ATP8B4: variants seen among roughly 807,000 people sequenced by gnomAD.
The protein encoded by ATP8B4 is ATPase phospholipid transporting 8B4 (putative), also known as probable phospholipid-transporting ATPase IM.
ATP8B4 carries 133 observed loss-of-function variants against 145.6 expected under a neutral mutation model. The observed-to-expected ratio is 0.91, with a 90% CI of 0.79 to 1.05. The LOEUF (loss-of-function observed/expected upper bound fraction) is 1.05. Among genes scored for constraint, ATP8B4 ranks in the 50% least tolerant of loss-of-function variants. ATP8B4 has a pLI of 0.00. For missense variants in ATP8B4, 1,458 were observed against 1,425.2 expected (o/e 1.02, Z -0.37); for synonymous variants, 507 against 492.9 (o/e 1.03, Z -0.38).
intron 20 of ATP8B4, among the ~76,000 whole-genome samples, chr15:49,911,694 G>C (rs1037227172): frequency 6.6e-6 from 1 of 152,094 alleles, no homozygotes; most frequent in Non-Finnish European, 1.5e-5. Flanking sequence ...GGACTGAACA[G>C]ACATCCACAG....
intron 1 of ATP8B4, among the ~76,000 whole-genome samples, chr15:50,135,194 G>A (rs563463172): frequency 1.7e-4 from 26 of 152,244 alleles, no homozygotes; most frequent in African/African-American, 6.0e-4. Flanking sequence ...TGAGATATGA[G>A]TGTGACACAT....
chr15:49,963,571 T>C (rs1356155439), intron 13 of ATP8B4, among the ~76,000 whole-genome samples: 1 of 152,188 alleles, frequency 6.6e-6, no homozygotes, highest in East Asian at 1.9e-4. Flanking sequence ...TGGAATACTA[T>C]GCAGCCGTGA....
chr15:49,866,753 A>G (rs530312248), intron 25 of ATP8B4, among the ~76,000 whole-genome samples: 25 of 152,334 alleles, frequency 1.6e-4, no homozygotes, highest in African/African-American at 5.8e-4. Flanking sequence ...GATGTTAAAC[A>G]TGTTAAACTT....
intron 7 of ATP8B4, among the ~76,000 whole-genome samples, chr15:50,004,777 GCATA>G (rs10571012): frequency 0.48 from 72,564 of 151,630 alleles, 18,225 homozygotes; most frequent in East Asian, 0.63. Flanking sequence ...TTGAATCTGG[GCATA>G]CAGTATGAGG....
intron 20 of ATP8B4, among the ~76,000 whole-genome samples, chr15:49,914,676 A>C (rs2039557667): frequency 6.6e-6 from 1 of 152,204 alleles, no homozygotes; most frequent in South Asian, 2.1e-4. Flanking sequence ...GACATTTCTC[A>C]AAATAAGACA....
chr15:49,875,519 G>C (rs932916355), intron 25 of ATP8B4, among the ~76,000 whole-genome samples: 3 of 152,182 alleles, frequency 2.0e-5, no homozygotes, highest in African/African-American at 7.2e-5. Flanking sequence ...TACCTACTCG[G>C]AGCTACAGAT....
intron 2 of ATP8B4, among the ~76,000 whole-genome samples, chr15:50,105,525 T>C (rs2056632542): frequency 6.6e-6 from 1 of 152,104 alleles, no homozygotes; most frequent in Non-Finnish European, 1.5e-5. Context: ...TGATTATAAT[T>C]CTAAGTTTAA....
rs773748475 is a variant in ATP8B4 at position 49,858,812 on chromosome 15, C to T, written c.*1382G>A. 1 of 152,158 alleles carries T rather than the reference C, an allele frequency of 6.6e-6. No individual in the cohort carries two copies. Among genetic ancestry groups the T allele is most frequent in the Non-Finnish European group, 1.5e-5 (1 of 68,014 alleles). 9.4% of individuals were successfully genotyped at this position (152,158 alleles called of 1,614,324 possible). A position where few individuals can be genotyped will look rare whatever the true frequency, so the allele number is the denominator to read the frequency against. On this transcript the variant is annotated 3_prime_UTR_variant, in exon 28 of 28. Coordinates refer to ENST00000284509, the MANE Select transcript of ATP8B4 (RefSeq NM_024837.4). ...CTGACTATTTAGATTCCAGTTTTTT[C>T]ATATTCTCTTCCAATTGCTCTGTTA...
At chr15:50,003,343 G>A (rs1225584085) in intron 7 of ATP8B4, among the ~76,000 whole-genome samples, 1 of 149,782 alleles carries the variant, frequency 6.7e-6, no homozygotes, top group East Asian at 2.0e-4. Context: ...AAACAGAGCT[G>A]GGGAAAAATA....
chr15:49,880,778 T>C (rs2035254777), intron 23 of ATP8B4: 1 of 151,068 alleles, frequency 6.6e-6, no homozygotes, highest in African/African-American at 2.4e-5. Context: ...GGGGACTATA[T>C]CCAATGACAT....
chr15:49,951,275 G>T (rs191264357), intron 14 of ATP8B4, among the ~76,000 whole-genome samples: 160 of 152,216 alleles, frequency 1.1e-3, no homozygotes, highest in Non-Finnish European at 1.5e-3. Context: ...TCTCATTGAT[G>T]TGTCTAATAC....
intron 1 of ATP8B4, among the ~76,000 whole-genome samples, chr15:50,134,214 C>T (rs1013792848): frequency 2.6e-5 from 4 of 151,732 alleles, no homozygotes; most frequent in African/African-American, 9.7e-5. Context: ...AATAGACTGT[C>T]AAAAGTAAAA....
chr15:50,010,696 A>C, intron 7 of ATP8B4, 149 bp downstream of exon 7: 1 of 480,020 alleles, frequency 2.1e-6, no homozygotes. Context: ...GTCTTTTAAA[A>C]TATTTTATAA....
At chr15:49,869,568 A>C (rs1201364404) in intron 25 of ATP8B4, among the ~76,000 whole-genome samples, 1 of 152,220 alleles carries the variant, frequency 6.6e-6, no homozygotes, top group East Asian at 1.9e-4. Context: ...ATTATGTGGC[A>C]AAGATATAGC....
chr15:50,082,509 T>C (rs2054619078), intron 2 of ATP8B4, among the ~76,000 whole-genome samples: 1 of 152,212 alleles, frequency 6.6e-6, no homozygotes, highest in African/African-American at 2.4e-5. Flanking sequence ...GCTCATCAGA[T>C]CCAGATAGTT....
chr15:50,148,509 G>A (rs945753938), intron 1 of ATP8B4, among the ~76,000 whole-genome samples: 3 of 152,186 alleles, frequency 2.0e-5, no homozygotes, highest in Non-Finnish European at 4.4e-5. Flanking sequence ...CCTTACAAAA[G>A]AGGCTTCATG....
chr15:50,122,207 A>G (rs544163973), upstream of ATP8B4, among the ~76,000 whole-genome samples: 1 of 152,306 alleles, frequency 6.6e-6, no homozygotes, highest in African/African-American at 2.4e-5. Context: ...CCTGGCCTAT[A>G]GTTTGAAATC....
chr15:49,861,676 T>C (rs1022799342), intron 27 of ATP8B4, among the ~76,000 whole-genome samples: 5 of 152,342 alleles, frequency 3.3e-5, no homozygotes, highest in African/African-American at 9.6e-5. Context: ...TTCTGAAATA[T>C]GTTCTGTTAA....
chr15:50,102,003 C>G (rs566293183), intron 2 of ATP8B4, among the ~76,000 whole-genome samples: 1 of 151,984 alleles, frequency 6.6e-6, no homozygotes, highest in Non-Finnish European at 1.5e-5. Flanking sequence ...ATTGGGTCAA[C>G]AATGAAATCA....
Sources: allele counts gnomAD v4.1 joint callset (sites outside exome capture counted in the v4.1 genomes callset), GRCh38; gene constraint gnomAD v4.1.1; transcripts MANE v1.5; gene names NCBI Gene and HGNC (gene_info 2026-07-23, HGNC 2026-07-21).